Variants in GPR139 observed in about 807,000 individuals in gnomAD.
GPR139 encodes the protein probable G protein-coupled receptor 139.
GPR139 carries 12 observed loss-of-function variants against 25.8 expected under a neutral mutation model. The ratio of observed to expected loss-of-function variants is 0.47; its 90% CI spans 0.30 to 0.75. The LOEUF (loss-of-function observed/expected upper bound fraction) is 0.75, where lower values mean the gene tolerates loss of function less well. GPR139 is among the 30% of genes least tolerant of loss of function. GPR139 has a pLI of 0.07. For synonymous variants in GPR139, 184 were observed against 179.9 expected (o/e 1.02, Z -0.18); for missense variants, 380 against 450.2 (o/e 0.84, Z 1.41).
chr16:20,047,267 T>C (rs1596467167), intron 1 of GPR139, among the ~76,000 whole-genome samples: 1 of 152,064 alleles, frequency 6.6e-6, no homozygotes, highest in Non-Finnish European at 1.5e-5. Flanking sequence ...CCCACCACCA[T>C]GCCTGGCTAA....
chr16:20,045,875 C>A (rs989489208), intron 1 of GPR139, among the ~76,000 whole-genome samples: 1 of 152,174 alleles, frequency 6.6e-6, no homozygotes, highest in Non-Finnish European at 1.5e-5. Context: ...TTCCGGCTAG[C>A]GACTGCCTTG....
intron 1 of GPR139, among the ~76,000 whole-genome samples, chr16:20,041,233 G>T (rs926644246): frequency 3.6e-4 from 2 of 5,520 alleles, no homozygotes; most frequent in Non-Finnish European, 9.2e-4. Flanking sequence ...GAGGAGAGGA[G>T]AGGAGAGGAG....
At chr16:20,066,088 C>T (rs192670445) in intron 1 of GPR139, among the ~76,000 whole-genome samples, 2 of 152,242 alleles carry the variant, frequency 1.3e-5, no homozygotes. Context: ...AAGCATGATT[C>T]TTTGGGTAAG....
intron 1 of GPR139, among the ~76,000 whole-genome samples, chr16:20,049,934 TA>T (rs145130752): frequency 0.081 from 12,395 of 152,290 alleles, 586 homozygotes; most frequent in Non-Finnish European, 0.11. Context: ...CATTTTGCCT[TA>T]TTCATCAAGC....
rs547542759 is a variant in GPR139, at chr16:20,066,845, T to A, written c.127+6645A>T. 2.6e-5 allele frequency among the ~76,000 whole-genome samples: 4 copies of A among 152,284 alleles called. No homozygotes were observed. The South Asian group carries it at 8.3e-4, about 32-fold the overall frequency. On this transcript the variant is annotated intron_variant, in intron 1 of 1. Coordinates refer to ENST00000570682, the MANE Select transcript of GPR139 (RefSeq NM_001002911.4). Reference sequence around the variant, plus strand: ...CCTCAAAACAGCCCAATGAGAGAAGTATTGTTATTCCATCTCACAGCTGAA... The same window carrying A: ...CCTCAAAACAGCCCAATGAGAGAAGAATTGTTATTCCATCTCACAGCTGAA...
At chr16:20,041,223 G>T (rs1567236009) in intron 1 of GPR139, among the ~76,000 whole-genome samples, 6 of 4,198 alleles carry the variant, frequency 1.4e-3, no homozygotes, top group African/African-American at 2.8e-3. Context: ...GAGGAGAGGA[G>T]AGGAGAGGAG....
intron 1 of GPR139, among the ~76,000 whole-genome samples, chr16:20,060,496 T>C (rs1296594460): frequency 6.6e-6 from 1 of 152,024 alleles, no homozygotes; most frequent in East Asian, 1.9e-4. Context: ...TGTGTCTGGG[T>C]AGAGTCCCCC....
chr16:20,067,607 C>A (rs1363054395), intron 1 of GPR139, among the ~76,000 whole-genome samples: 1 of 151,860 alleles, frequency 6.6e-6, no homozygotes, highest in African/African-American at 2.4e-5. Context: ...GAGTTTGAGA[C>A]CAGCCTGACC....
At chr16:20,044,360 C>T (rs2057346699) in intron 1 of GPR139, among the ~76,000 whole-genome samples, 1 of 152,148 alleles carries the variant, frequency 6.6e-6, no homozygotes. Context: ...GTAGGTTGGG[C>T]TCTGATATAG....
At chr16:20,040,530 C>T (rs1019453177) in intron 1 of GPR139, among the ~76,000 whole-genome samples, 4 of 152,104 alleles carry the variant, frequency 2.6e-5, no homozygotes, top group African/African-American at 7.2e-5. Flanking sequence ...TATTGCTGGA[C>T]GTTACTTATT....
At chr16:20,069,685 C>T (rs1886708) in intron 1 of GPR139, among the ~76,000 whole-genome samples, 1 of 151,952 alleles carries the variant, frequency 6.6e-6, no homozygotes, top group Non-Finnish European at 1.5e-5. Context: ...CTGCACATCC[C>T]CGGCACTCTT....
Position 20,028,671 on chromosome 16 carries a change from T to A in GPR139, c.*3064A>T, listed in dbSNP as rs141593560. 6.6e-6 allele frequency among the ~76,000 whole-genome samples: 1 copy of A among 152,224 alleles called. No homozygotes were observed. The highest frequency in any genetic ancestry group is 1.5e-5 in the Non-Finnish European group (1 of 68,040). ...CGTGCCCACTCCGGTCTGTCTTTTA[T>A]GGTTTGTCTGTCATTCCCCTCATTT... On this transcript the variant is annotated 3_prime_UTR_variant, in exon 2 of 2. Transcript: ENST00000570682.
At chr16:20,038,162 A>G (rs2057316919) in intron 1 of GPR139, among the ~76,000 whole-genome samples, 1 of 151,922 alleles carries the variant, frequency 6.6e-6, no homozygotes, top group Non-Finnish European at 1.5e-5. Flanking sequence ...ATGCTCAGCC[A>G]CAACCTCTTT....
chr16:20,046,470 C>T (rs906275325), intron 1 of GPR139, among the ~76,000 whole-genome samples: 6 of 152,114 alleles, frequency 3.9e-5, no homozygotes, highest in East Asian at 3.9e-4. Context: ...ATGTGCTGAG[C>T]GTGTATTATG....
At chr16:20,032,744 T>C in intron 1 of GPR139, 75 bp from the exon 2 acceptor site, 1 of 1,083,984 alleles carries the variant, frequency 9.2e-7, no homozygotes, top group Non-Finnish European at 1.3e-6. Context: ...GCCCTAGGCA[T>C]ATGTTTATTT....
chr16:20,043,149 G>A (rs1373895811), intron 1 of GPR139, among the ~76,000 whole-genome samples: 5 of 152,204 alleles, frequency 3.3e-5, no homozygotes, highest in Admixed American at 2.0e-4. Context: ...CTGACTCAGG[G>A]CAATGGAGAA....
intron 1 of GPR139, among the ~76,000 whole-genome samples, chr16:20,049,948 A>G (rs55689190): frequency 0.081 from 12,410 of 152,278 alleles, 593 homozygotes; most frequent in Non-Finnish European, 0.11. Flanking sequence ...CATCAAGCCC[A>G]CTCAGGCCAG....
chr16:20,035,090 A>C (rs2057305224), intron 1 of GPR139, among the ~76,000 whole-genome samples: 1 of 152,184 alleles, frequency 6.6e-6, no homozygotes, highest in Non-Finnish European at 1.5e-5. Context: ...AATTTTACTA[A>C]TTTAGATTCC....
rs149785869 is a variant in GPR139 at position 20,030,844 on chromosome 16, C to T, written c.*891G>A. Reference sequence around the variant, plus strand: ...AGGAGGCAGGGTTGGCAACTTGACACGTAAAAAGGCTTCTCTAGGAAGCTG... The same window carrying T: ...AGGAGGCAGGGTTGGCAACTTGACATGTAAAAAGGCTTCTCTAGGAAGCTG... On this transcript the variant is annotated 3_prime_UTR_variant, in exon 2 of 2. Transcript: ENST00000570682. 1.3e-5 allele frequency among the ~76,000 whole-genome samples: 2 copies of T among 152,282 alleles called. No homozygotes were observed. Among genetic ancestry groups the T allele is most frequent in the African/African-American group, 4.8e-5 (2 of 41,552 alleles).
Sources: allele counts gnomAD v4.1 joint callset (sites outside exome capture counted in the v4.1 genomes callset), GRCh38; gene constraint gnomAD v4.1.1; transcripts MANE v1.5; gene names NCBI Gene and HGNC (gene_info 2026-07-23, HGNC 2026-07-21).